The following UBFD1 variants were observed in gnomAD, a reference collection of about 807,000 sequenced individuals.
The protein encoded by UBFD1 is ubiquitin family domain containing 1, also known as ubiquitin domain-containing protein UBFD1.
UBFD1 carries 12 observed loss-of-function variants against 35.1 expected under a neutral mutation model. The ratio of observed to expected loss-of-function variants is 0.34; its 90% confidence interval spans 0.22 to 0.55. The LOEUF is 0.55. Among genes scored for constraint, UBFD1 ranks in the 20% least tolerant of loss-of-function variants. The pLI is 0.89. For synonymous variants in UBFD1, 178 were observed against 167.6 expected (o/e 1.06, Z -0.48); for missense variants, 337 against 410.8 (o/e 0.82, Z 1.55).
At chr16:23,568,013 A>T (rs952187729) in intron 6 of UBFD1, among the ~76,000 whole-genome samples, 1 of 152,242 alleles carries the variant, frequency 6.6e-6, no homozygotes, top group Non-Finnish European at 1.5e-5. Flanking sequence ...CAAGGGAGGC[A>T]GCCCTGTTGG....
intron 3 of UBFD1, among the ~76,000 whole-genome samples, chr16:23,560,363 A>G (rs1485125843): frequency 1.3e-5 from 2 of 152,176 alleles, no homozygotes; most frequent in African/African-American, 2.4e-5. Context: ...ATTACTTGTT[A>G]TCTTTTTACC....
At chr16:23,569,848 ATTG>A (rs1966060580) in intron 6 of UBFD1, among the ~76,000 whole-genome samples, 1 of 152,182 alleles carries the variant, frequency 6.6e-6, no homozygotes, top group Admixed American at 6.5e-5. Context: ...GGTATTATGT[ATTG>A]TTCTACAACT....
At position 23,571,727 on chromosome 16, in the gene UBFD1, ACAT is replaced by A. The variant is rs1966086792; in HGVS notation, c.*1139_*1141del. On this transcript the variant is annotated 3_prime_UTR_variant, in exon 7 of 7. Transcript: ENST00000395878. ...CAGAGATGCTGCCTTTCTGAAGAAG[ACAT>A]CTGACCCTAGCAGGTTGGCCAGTGT... 1 of 152,672 alleles carries A rather than the reference ACAT, an allele frequency of 6.5e-6. No individual in the cohort carries two copies. Among genetic ancestry groups the A allele is most frequent in the Non-Finnish European group, 1.5e-5 (1 of 68,038 alleles). The allele number at this position is 152,672 out of a possible 1,614,324, so 9.5% of individuals were successfully genotyped here. A position where few individuals can be genotyped will look rare whatever the true frequency, so the allele number is the denominator to read the frequency against.
At position 23,563,581 on chromosome 16, in the gene UBFD1, CTG is replaced by C. The variant is rs1965969491; in HGVS notation, c.736+855_736+856del. 3.3e-5 allele frequency among the ~76,000 whole-genome samples: 5 copies of C among 152,332 alleles called. No individual in the cohort carries two copies. In the South Asian group the frequency reaches 1.0e-3, roughly 32 times the overall value. On this transcript the variant is annotated intron_variant, in intron 5 of 6. Coordinates refer to ENST00000395878, the MANE Select transcript of UBFD1 (RefSeq NM_019116.3). ...GAGTTACCCTGTTTCACTGCCCCAT[CTG>C]TGTTTTCTTCTGTCCTGTCCATCTT... is the stretch of plus-strand genomic sequence containing the variant.
chr16:23,559,581 A>G lies in UBFD1; in HGVS notation c.469A>G (p.Ile157Val). The change falls in exon 3 of 7, where the codon ATC (isoleucine) becomes GTC (valine). Residue 157 changes from isoleucine to valine, a missense_variant. Physicochemically the swap from Ile to Val is conservative, Grantham distance 29. Around this residue, in one of 4 missense-constraint regions of UBFD1, gnomAD observed 44 missense variants for 39.2 expected, o/e 1.12. Transcript: ENST00000395878. Reference protein sequence around the residue: ...GAKIMVVGSTINDVLAVNTPK... With the variant: ...GAKIMVVGSTVNDVLAVNTPK... The stretch of plus-strand genomic sequence containing the variant: ...CAAGATCATGGTGGTTGGCTCCACC[A>G]TCAATGATGTTTTAGCAGTAAACAC... 6.2e-7 allele frequency: 1 copy of G among 1,614,254 alleles called. No homozygotes were observed. The highest frequency in any genetic ancestry group is 1.6e-4 in the Middle Eastern group (1 of 6,062).
At chr16:23,565,829 G>A (rs886804678) in intron 5 of UBFD1, 1 of 152,046 alleles carries the variant, frequency 6.6e-6, no homozygotes, top group African/African-American at 2.4e-5. Flanking sequence ...ACTTGGTTTA[G>A]CTGTTTGCTG....
At chr16:23,567,663 C>G (rs930696253) in intron 6 of UBFD1, among the ~76,000 whole-genome samples, 6 of 152,254 alleles carry the variant, frequency 3.9e-5, no homozygotes, top group African/African-American at 1.4e-4. Flanking sequence ...GCAAAAAATT[C>G]ATTCATCTGG....
At position 23,570,484 on chromosome 16, in the gene UBFD1, TTC is replaced by T; in HGVS notation, c.825_826del (p.Phe275LeufsTer49). The T allele has an allele frequency of 6.2e-7, 1 of 1,613,876 alleles. No homozygotes were observed. The highest frequency in any genetic ancestry group is 8.5e-7 in the Non-Finnish European group (1 of 1,179,870). On this transcript the variant is annotated frameshift_variant, in exon 7 of 7. Transcript: ENST00000395878. LOFTEE classifies it high-confidence loss of function. ...GTTTTCCTTTTTCCCTTCCAGGCGTTTCAGTTGGGCCCCACGGAAGCCTCTTA... is the reference window on the plus strand; with the variant it reads ...GTTTTCCTTTTTCCCTTCCAGGCGTTAGTTGGGCCCCACGGAAGCCTCTTA...
chr16:23,562,622 C>CA lies in UBFD1; in HGVS notation c.631-2dup, dbSNP rs1227686791. On this transcript the variant is annotated splice_polypyrimidine_tract_variant and splice_region_variant and intron_variant, in intron 4 of 6. Coordinates refer to ENST00000395878, the MANE Select transcript of UBFD1 (RefSeq NM_019116.3). ...ATCTCTTACCATTCTCTCGTGCCTT[C>CA]AGGAGCGCCTGCCAACGGTACCGCT... 1 of 1,613,844 alleles carries CA rather than the reference C, an allele frequency of 6.2e-7. No individual in the cohort carries two copies. The highest frequency in any genetic ancestry group is 1.1e-5 in the South Asian group (1 of 91,012).
chr16:23,562,353 C>T, intron 4 of UBFD1, 82 bp downstream of exon 4: 4 of 1,302,984 alleles, frequency 3.1e-6, no homozygotes, highest in Non-Finnish European at 4.3e-6. Context: ...CCTGTCCCTT[C>T]TCTTTTTTCC....
chr16:23,565,499 T>C (rs1965997215), intron 5 of UBFD1: 2 of 152,244 alleles, frequency 1.3e-5, no homozygotes, highest in African/African-American at 4.8e-5. Flanking sequence ...TGTATATTTT[T>C]GTGAAATCTC....
intron 6 of UBFD1, among the ~76,000 whole-genome samples, chr16:23,567,673 G>T (rs1966029961): frequency 6.6e-6 from 1 of 152,266 alleles, no homozygotes; most frequent in South Asian, 2.1e-4. Flanking sequence ...CATTCATCTG[G>T]TAAAATGAGC....
intron 5 of UBFD1, 144 bp from the exon 6 acceptor site, chr16:23,566,843 C>A (rs1252805116): frequency 2.0e-5 from 14 of 711,668 alleles, no homozygotes; most frequent in Non-Finnish European, 3.4e-5. Flanking sequence ...AAGACCCTGT[C>A]GTGTTGTCCC....
chr16:23,558,482 A>C (rs1347750546), intron 2 of UBFD1, among the ~76,000 whole-genome samples: 2 of 152,158 alleles, frequency 1.3e-5, no homozygotes, highest in African/African-American at 4.8e-5. Flanking sequence ...GCTGGGATTA[A>C]AGCCGAAGTC....
At chr16:23,567,168 G>A (rs1966022797) in intron 6 of UBFD1, 99 bp downstream of exon 6, 1 of 1,135,554 alleles carries the variant, frequency 8.8e-7, no homozygotes, top group South Asian at 1.4e-5. Flanking sequence ...AGAAAACTCA[G>A]TCTCCAGAAG....
intron 4 of UBFD1, 36 bp downstream of exon 4, chr16:23,562,307 A>C (rs1965947700): frequency 6.3e-7 from 1 of 1,594,948 alleles, no homozygotes; most frequent in African/African-American, 1.3e-5. Context: ...TCTGAAAATG[A>C]GGCAGCCCCA....
intron 6 of UBFD1, among the ~76,000 whole-genome samples, chr16:23,567,680 G>A (rs186009449): frequency 8.5e-5 from 13 of 152,396 alleles, no homozygotes; most frequent in Admixed American, 7.2e-4. Flanking sequence ...CTGGTAAAAT[G>A]AGCAGCTTAG....
chr16:23,562,766 C>T, intron 5 of UBFD1, 36 bp downstream of exon 5: 1 of 1,567,360 alleles, frequency 6.4e-7, no homozygotes, highest in African/African-American at 1.3e-5. Flanking sequence ...GGCCCACTGC[C>T]TGCCTCTGGC....
At chr16:23,567,740 C>T (rs1340057443) in intron 6 of UBFD1, among the ~76,000 whole-genome samples, 1 of 152,280 alleles carries the variant, frequency 6.6e-6, no homozygotes, top group Non-Finnish European at 1.5e-5. Flanking sequence ...ACATTGACCA[C>T]GAAGTTGATT....
Sources: gnomAD v4.1 joint callset for allele counts (sites outside exome capture counted in the v4.1 genomes callset) on GRCh38, gnomAD v4.1.1 for gene constraint, gnomAD v4.1.1 regional missense constraint, MANE v1.5 for transcripts, NCBI Gene and HGNC (gene_info 2026-07-23, HGNC 2026-07-21) for gene names.